Variants in SPON1 observed in about 807,000 individuals in gnomAD.
SPON1 encodes the protein spondin-1.
Under a neutral mutation model 111.7 loss-of-function variants are expected in SPON1, and 52 were observed. That is an observed-to-expected ratio of 0.47 (90% CI 0.37 to 0.59). SPON1 has a LOEUF of 0.59. Among genes scored for constraint, SPON1 ranks in the 20% least tolerant of loss-of-function variants. The pLI, the probability that SPON1 is intolerant of heterozygous loss-of-function variation, is 0.00. For missense variants in SPON1, 957 were observed against 1,068.5 expected, an observed-to-expected ratio of 0.90 and a Z score of 1.46; for synonymous variants, 410 against 395.8, an observed-to-expected ratio of 1.04 and a Z score of -0.43.
At chr11:14,195,371 G>A (rs183370360) in intron 6 of SPON1, among the ~76,000 whole-genome samples, 51 of 152,242 alleles carry the variant, frequency 3.3e-4, no homozygotes, top group Middle Eastern at 3.4e-3. Flanking sequence ...ACATTGAAAG[G>A]GTGTGGGATA....
intron 3 of SPON1, among the ~76,000 whole-genome samples, chr11:14,047,671 G>A (rs1325704394): frequency 2.0e-5 from 3 of 152,144 alleles, no homozygotes; most frequent in Non-Finnish European, 4.4e-5. Flanking sequence ...GACAGTGTTA[G>A]GGTTTGGATA....
intron 3 of SPON1, among the ~76,000 whole-genome samples, chr11:14,056,433 C>T (rs1006684919): frequency 9.2e-5 from 14 of 152,220 alleles, no homozygotes; most frequent in African/African-American, 3.4e-4. Context: ...TTTTAAAGGT[C>T]GTTTTTCAAG....
Position 14,267,223 on chromosome 11 carries a change from T to TA in SPON1, c.*1538dup, listed in dbSNP as rs1849281789. The stretch of plus-strand genomic sequence containing the variant: ...AAACTCACTGGGTCTTTCATGTCTT[T>TA]AAGCTAAGTAAGTGTTCAGAAGGTT... On this transcript the variant is annotated 3_prime_UTR_variant, in exon 16 of 16. Transcript: ENST00000576479. 6.6e-6 allele frequency: 1 copy of TA among 152,198 alleles called. No homozygotes were observed. Among genetic ancestry groups the TA allele is most frequent in the South Asian group, 2.1e-4 (1 of 4,830 alleles). 9.4% of individuals were successfully genotyped at this position (152,198 alleles called of 1,614,324 possible).
At chr11:14,137,670 C>A (rs1847608656) in intron 6 of SPON1, among the ~76,000 whole-genome samples, 1 of 152,190 alleles carries the variant, frequency 6.6e-6, no homozygotes, top group Non-Finnish European at 1.5e-5. Flanking sequence ...AAACCTGAGG[C>A]CACTTGTTTG....
At chr11:14,074,329 C>T (rs1554921194) in intron 3 of SPON1, among the ~76,000 whole-genome samples, 1 of 152,164 alleles carries the variant, frequency 6.6e-6, no homozygotes. Flanking sequence ...AGGCCCAGAC[C>T]ATCAGGAAGA....
chr11:14,081,853 A>G (rs536116000), intron 5 of SPON1, among the ~76,000 whole-genome samples: 1 of 152,128 alleles, frequency 6.6e-6, no homozygotes, highest in Non-Finnish European at 1.5e-5. Context: ...ACATTTGTTG[A>G]CAAATCAAGA....
intron 5 of SPON1, among the ~76,000 whole-genome samples, chr11:14,110,851 TC>T (rs1849221877): frequency 6.6e-6 from 1 of 152,218 alleles, no homozygotes; most frequent in Admixed American, 6.5e-5. Flanking sequence ...TAGGCATTCT[TC>T]AATCCAGTCA....
chr11:13,974,759 C>T (rs1261552371), intron 1 of SPON1, among the ~76,000 whole-genome samples: 1 of 152,204 alleles, frequency 6.6e-6, no homozygotes. Flanking sequence ...TGTCCTAGCG[C>T]AAGCCCTTCA....
At chr11:14,143,080 A>G (rs782171549) in intron 6 of SPON1, among the ~76,000 whole-genome samples, 3 of 152,214 alleles carry the variant, frequency 2.0e-5, no homozygotes, top group Admixed American at 6.5e-5. Flanking sequence ...TCTCACAGCT[A>G]GCTGAGCAGT....
At chr11:14,253,111 G>C (rs1009147460) in intron 7 of SPON1, among the ~76,000 whole-genome samples, 1 of 152,194 alleles carries the variant, frequency 6.6e-6, no homozygotes, top group South Asian at 2.1e-4. Context: ...GGGGTGCATG[G>C]GAGGCAGCAC....
chr11:14,202,197 T>C (rs1225675163), intron 6 of SPON1, among the ~76,000 whole-genome samples: 1 of 152,202 alleles, frequency 6.6e-6, no homozygotes, highest in Admixed American at 6.5e-5. Flanking sequence ...AAACGTTCAC[T>C]TGTGTGTCAG....
At chr11:14,196,558 A>G (rs1208215758) in intron 6 of SPON1, among the ~76,000 whole-genome samples, 20 of 152,256 alleles carry the variant, frequency 1.3e-4, no homozygotes, top group African/African-American at 4.3e-4. Context: ...GGAGGAAAAC[A>G]GATCAAACAT....
At chr11:13,989,739 T>C (rs967763312) in intron 2 of SPON1, among the ~76,000 whole-genome samples, 1 of 152,238 alleles carries the variant, frequency 6.6e-6, no homozygotes, top group Non-Finnish European at 1.5e-5. Flanking sequence ...GATTCTGGTA[T>C]GTTGTGTCTT....
intron 5 of SPON1, among the ~76,000 whole-genome samples, chr11:14,093,555 G>A (rs782776437): frequency 2.6e-5 from 4 of 152,084 alleles, no homozygotes; most frequent in African/African-American, 4.8e-5. Flanking sequence ...CACGTTTTCC[G>A]TTTGACAATA....
intron 6 of SPON1, among the ~76,000 whole-genome samples, chr11:14,171,900 T>C (rs369644152): frequency 1.6e-3 from 237 of 152,264 alleles, no homozygotes; most frequent in Non-Finnish European, 2.5e-3. Flanking sequence ...CTGAGGAGTG[T>C]TTTACTTCCA....
At chr11:14,248,730 T>C (rs1347799223) in intron 7 of SPON1, among the ~76,000 whole-genome samples, 1 of 152,180 alleles carries the variant, frequency 6.6e-6, no homozygotes, top group Non-Finnish European at 1.5e-5. Context: ...CCAGCCTCCC[T>C]CGCCGCCCAG....
At chr11:14,221,712 G>A (rs1225132666) in intron 6 of SPON1, among the ~76,000 whole-genome samples, 1 of 152,154 alleles carries the variant, frequency 6.6e-6, no homozygotes, top group African/African-American at 2.4e-5. Context: ...TATCAATGGG[G>A]GGTTCTCTGC....
chr11:14,268,076 C>G lies in SPON1; in HGVS notation c.*2389C>G, dbSNP rs1849292347. ...TCTGTTGTAGCAAATGGGAATAAAC[C>G]TGGGTTTCTATAGACCCAGAACTGA... On this transcript the variant is annotated 3_prime_UTR_variant, in exon 16 of 16. Transcript: ENST00000576479. Among the ~76,000 whole-genome samples the G allele has an allele frequency of 6.6e-6, 1 of 152,166 alleles. No individual in the cohort carries two copies. The highest frequency in any genetic ancestry group is 2.1e-4 in the South Asian group (1 of 4,830).
intron 6 of SPON1, among the ~76,000 whole-genome samples, chr11:14,151,069 G>A (rs189047361): frequency 2.2e-4 from 34 of 152,284 alleles, no homozygotes; most frequent in African/African-American, 3.6e-4. Context: ...AGCTGAATCC[G>A]TGCCACCGTT....
Sources: gnomAD v4.1 joint callset for allele counts (sites outside exome capture counted in the v4.1 genomes callset) on GRCh38, gnomAD v4.1.1 for gene constraint, MANE v1.5 for transcripts, NCBI Gene and HGNC (gene_info 2026-07-23, HGNC 2026-07-21) for gene names.